IRAK1BP1: variants seen among roughly 807,000 people sequenced by gnomAD.
IRAK1BP1 encodes the protein interleukin 1 receptor associated kinase 1 binding protein 1.
A neutral mutation model predicts 28.0 loss-of-function variants in IRAK1BP1; 24 were observed. The observed-to-expected ratio is 0.86, with a 90% CI of 0.62 to 1.20. The LOEUF is 1.20. Among genes scored for constraint, IRAK1BP1 ranks in the 50% most tolerant of loss-of-function variants. The pLI is 0.00. For synonymous variants in IRAK1BP1, 131 were observed against 116.3 expected (o/e 1.13, Z -0.81); for missense variants, 336 against 316.7 (o/e 1.06, Z -0.46).
chr6:78,977,864 CTTTT>C, the IRAK1BP1 span, among the ~76,000 whole-genome samples: 1 of 151,800 alleles, frequency 6.6e-6, no homozygotes, highest in Admixed American at 6.6e-5. Context: ...TTTTTGTTTT[CTTTT>C]TTTTCTTAAA....
chr6:78,893,896 C>T (rs1771786297), intron 2 of IRAK1BP1, among the ~76,000 whole-genome samples: 1 of 151,642 alleles, frequency 6.6e-6, no homozygotes, highest in African/African-American at 2.4e-5. Flanking sequence ...GAGCAAGACT[C>T]TGTCTCAAAA....
At chr6:78,894,780 G>C (rs1771819680) in intron 2 of IRAK1BP1, among the ~76,000 whole-genome samples, 1 of 152,058 alleles carries the variant, frequency 6.6e-6, no homozygotes, top group Non-Finnish European at 1.5e-5. Context: ...AGTGCACATT[G>C]AACATTTGCC....
intron 1 of IRAK1BP1, among the ~76,000 whole-genome samples, chr6:78,878,073 A>G (rs1249533685): frequency 1.3e-5 from 2 of 152,166 alleles, no homozygotes; most frequent in East Asian, 3.9e-4. Context: ...GGGGCAGGGC[A>G]TAGCTGAACA....
intron 4 of IRAK1BP1, chr6:78,936,230 T>C (rs1773267993): frequency 6.6e-6 from 1 of 152,114 alleles, no homozygotes; most frequent in African/African-American, 2.4e-5. Flanking sequence ...AAAATAAGCA[T>C]AATCTTAATT....
chr6:78,953,037 G>T, the IRAK1BP1 span, among the ~76,000 whole-genome samples: 1 of 150,186 alleles, frequency 6.7e-6, no homozygotes, highest in South Asian at 2.1e-4. Flanking sequence ...CCTTATATAG[G>T]TGTTGTTTTT....
chr6:78,944,334 C>G (rs1773684883), intron 4 of IRAK1BP1, among the ~76,000 whole-genome samples: 1 of 152,144 alleles, frequency 6.6e-6, no homozygotes, highest in Non-Finnish European at 1.5e-5. Flanking sequence ...TGTACGTACA[C>G]ACATCCACAT....
intron 4 of IRAK1BP1, among the ~76,000 whole-genome samples, chr6:78,942,544 A>T (rs976689242): frequency 6.6e-6 from 1 of 152,216 alleles, no homozygotes; most frequent in Non-Finnish European, 1.5e-5. Flanking sequence ...GGTCAGAGCC[A>T]AGTACAGACA....
chr6:78,897,414 G>A (rs1160939959), intron 2 of IRAK1BP1, among the ~76,000 whole-genome samples: 1 of 152,028 alleles, frequency 6.6e-6, no homozygotes, highest in African/African-American at 2.4e-5. Flanking sequence ...GATCTGAACA[G>A]AACTATTGGA....
intron 1 of IRAK1BP1, chr6:78,871,409 C>T (rs1473265378): frequency 1.0e-6 from 1 of 985,448 alleles, no homozygotes; most frequent in Non-Finnish European, 1.2e-6. Context: ...TAACACAGTG[C>T]AACCAAAAGA....
the IRAK1BP1 span, among the ~76,000 whole-genome samples, chr6:78,952,793 G>A: frequency 6.6e-6 from 1 of 150,498 alleles, no homozygotes; most frequent in Non-Finnish European, 1.5e-5. Flanking sequence ...TTTTCCCTAT[G>A]TTTCTTATTC....
In IRAK1BP1 at chr6:78,898,091, G is replaced by C; in HGVS notation, c.540G>C (p.Glu180Asp). 6.2e-7 allele frequency: 1 copy of C among 1,612,018 alleles called. No homozygotes were observed. ...LRRQACLVAVENAWRKAQEVC... is the reference protein window; with the variant it reads ...LRRQACLVAVDNAWRKAQEVC... ...GGCAAGCCTGTCTTGTTGCTGTTGAGAATGCGTGGCGCAAAGCTCAAGAAG... is the reference window on the plus strand; with the variant it reads ...GGCAAGCCTGTCTTGTTGCTGTTGACAATGCGTGGCGCAAAGCTCAAGAAG... The change falls in exon 4 of 4, where the codon GAG (glutamate) becomes GAC (aspartate). Residue 180 changes from glutamate (E) to aspartate (D), a missense_variant. By Grantham distance (45) the Glu-to-Asp change is conservative (BLOSUM62 2). Coordinates refer to ENST00000369940, the MANE Select transcript of IRAK1BP1 (RefSeq NM_001010844.4).
chr6:78,943,310 C>A (rs1008491203), intron 4 of IRAK1BP1, among the ~76,000 whole-genome samples: 1 of 151,880 alleles, frequency 6.6e-6, no homozygotes, highest in African/African-American at 2.4e-5. Context: ...TATACAGTAC[C>A]AGTACTCGAG....
chr6:78,920,980 C>G (rs1275938142), intron 4 of IRAK1BP1, among the ~76,000 whole-genome samples: 1 of 152,184 alleles, frequency 6.6e-6, no homozygotes, highest in East Asian at 1.9e-4. Flanking sequence ...CAGCTCCGGT[C>G]TACAGCTCCT....
intron 2 of IRAK1BP1, among the ~76,000 whole-genome samples, chr6:78,888,005 A>G (rs1440064239): frequency 7.6e-6 from 1 of 131,210 alleles, no homozygotes; most frequent in African/African-American, 2.9e-5. Flanking sequence ...TATACATACA[A>G]TGAAATATTA....
At chr6:78,937,243 T>C (rs1773306836) in intron 4 of IRAK1BP1, 1 of 151,706 alleles carries the variant, frequency 6.6e-6, no homozygotes, top group South Asian at 2.1e-4. Context: ...CTAGCTGACA[T>C]TTGAGAGAGA....
At position 78,872,627 on chromosome 6, in the gene IRAK1BP1, C is replaced by T. The variant is rs557074975; in HGVS notation, c.315+4736C>T. 9.7e-4 allele frequency among the ~76,000 whole-genome samples: 147 copies of T among 152,258 alleles called. 2 individuals carry two copies. Among genetic ancestry groups the T allele is most frequent in the Admixed American group, 2.0e-3 (30 of 15,288 alleles). ...GTTTCCTTTGAGTGTCATGTTGGCA[C>T]TCAAAAAGTTTAAGATTTTGGAGCA... On this transcript the variant is annotated intron_variant, in intron 1 of 3. Coordinates refer to ENST00000369940, the MANE Select transcript of IRAK1BP1 (RefSeq NM_001010844.4).
At chr6:78,941,053 C>T in intron 4 of IRAK1BP1, 1 of 1,613,938 alleles carries the variant, frequency 6.2e-7, no homozygotes, top group Non-Finnish European at 8.5e-7. Flanking sequence ...ACAAATCTTC[C>T]TTTACATTAT....
chr6:78,881,597 A>G (rs372809132), intron 1 of IRAK1BP1, among the ~76,000 whole-genome samples: 2 of 152,152 alleles, frequency 1.3e-5, no homozygotes. Flanking sequence ...AAATGAACCC[A>G]GTTCTTACAA....
At chr6:78,882,269 G>A (rs1771256945) in intron 1 of IRAK1BP1, among the ~76,000 whole-genome samples, 1 of 152,150 alleles carries the variant, frequency 6.6e-6, no homozygotes, top group African/African-American at 2.4e-5. Context: ...ATGTCAAACA[G>A]ATAAAGGAGC....
Sources: allele counts gnomAD v4.1 joint callset (sites outside exome capture counted in the v4.1 genomes callset), GRCh38; gene constraint gnomAD v4.1.1; transcripts MANE v1.5; gene names NCBI Gene and HGNC (gene_info 2026-07-23, HGNC 2026-07-21).